Variants in PTCD2 observed in about 807,000 individuals in gnomAD.
PTCD2 encodes the protein pentatricopeptide repeat-containing protein 2, mitochondrial.
Under a neutral mutation model 42.6 loss-of-function variants are expected in PTCD2, and 31 were observed. The ratio of observed to expected loss-of-function variants is 0.73; its 90% CI spans 0.55 to 0.98. PTCD2 has a LOEUF of 0.98. Ranked by LOEUF, PTCD2 falls within the 50% of genes least tolerant of loss-of-function variation. PTCD2 has a pLI of 0.00. For synonymous variants in PTCD2, 183 were observed against 170.9 expected (o/e 1.07, Z -0.55); for missense variants, 476 against 454.8 (o/e 1.05, Z -0.42).
Position 72,362,105 on chromosome 5 carries a change from G to A in PTCD2, c.*3678G>A, listed in dbSNP as rs1375718912. On this transcript the variant is annotated 3_prime_UTR_variant, in exon 10 of 10. Transcript: ENST00000380639. ...AACTATATTGTATAACAATGTTGGTGGTCATATTGGTCCCCCATGGACAGC... is the reference window on the plus strand; with the variant it reads ...AACTATATTGTATAACAATGTTGGTAGTCATATTGGTCCCCCATGGACAGC... 6.6e-6 allele frequency: 1 copy of A among 152,136 alleles called. No homozygotes were observed. Among genetic ancestry groups the A allele is most frequent in the African/African-American group, 2.4e-5 (1 of 41,402 alleles). The allele number at this position is 152,136 out of a possible 1,614,324, so 9.4% of individuals were successfully genotyped here.
intron 8 of PTCD2, among the ~76,000 whole-genome samples, chr5:72,348,537 G>A (rs947247870): frequency 1.3e-5 from 2 of 152,142 alleles, no homozygotes; most frequent in African/African-American, 4.8e-5. Context: ...ATACTGCAAT[G>A]ATTTAACAGA....
rs1379147933 is a variant in PTCD2 at position 72,360,985 on chromosome 5, C to G, written c.*2558C>G. ...TACAGGCATGAGCCACCGCACCTGG[C>G]CTACTTATCCTGTTAATGAAAATAT... On this transcript the variant is annotated 3_prime_UTR_variant, in exon 10 of 10. Transcript: ENST00000380639. 6.6e-6 allele frequency: 1 copy of G among 152,196 alleles called. No individual in the cohort carries two copies. Among genetic ancestry groups the G allele is most frequent in the East Asian group, 1.9e-4 (1 of 5,198 alleles). 9.4% of individuals were successfully genotyped at this position (152,196 alleles called of 1,614,324 possible).
chr5:72,333,859 G>C (rs1271313497), intron 4 of PTCD2, among the ~76,000 whole-genome samples: 1 of 152,108 alleles, frequency 6.6e-6, no homozygotes, highest in East Asian at 1.9e-4. Context: ...ACTGTTTTTT[G>C]GGGTTTTTTT....
At position 72,320,595 on chromosome 5, in the gene PTCD2, C is replaced by T. The variant is rs778818010; in HGVS notation, c.127+86C>T. On this transcript the variant is annotated intron_variant, in intron 1 of 9. Coordinates refer to ENST00000380639, the MANE Select transcript of PTCD2 (RefSeq NM_024754.5). Reference sequence around the variant, plus strand: ...CCCAGCTAGCATCTCTGTGGAGCAGCCACAGCTCCTAAGTCACTCACTGGC... The same window carrying T: ...CCCAGCTAGCATCTCTGTGGAGCAGTCACAGCTCCTAAGTCACTCACTGGC... 27 of 1,575,250 alleles carry T rather than the reference C, an allele frequency of 1.7e-5. No homozygotes were observed. In the South Asian group the frequency reaches 2.7e-4, roughly 16 times the overall value.
At position 72,364,181 on chromosome 5, in the gene PTCD2, A is replaced by G. The variant is rs1753151483; in HGVS notation, c.*5754A>G. 1 of 152,272 alleles carries G rather than the reference A, an allele frequency of 6.6e-6. No individual in the cohort carries two copies. The highest frequency in any genetic ancestry group is 1.5e-5 in the Non-Finnish European group (1 of 68,046). The allele number at this position is 152,272 out of a possible 1,614,324, so 9.4% of individuals were successfully genotyped here. A position where few individuals can be genotyped will look rare whatever the true frequency, so the allele number is the denominator to read the frequency against. On this transcript the variant is annotated 3_prime_UTR_variant, in exon 10 of 10. Coordinates refer to ENST00000380639, the MANE Select transcript of PTCD2 (RefSeq NM_024754.5). ...AAAGTGTTCTCAAAAATTAATGGAAATTGGTGTATTCTGATTGAGATATGT... is the reference window on the plus strand; with the variant it reads ...AAAGTGTTCTCAAAAATTAATGGAAGTTGGTGTATTCTGATTGAGATATGT...
At chr5:72,326,558 C>T (rs1355901086) in intron 2 of PTCD2, 54 bp from the exon 3 acceptor site, 9 of 1,604,342 alleles carry the variant, frequency 5.6e-6, no homozygotes, top group Non-Finnish European at 4.3e-6. Context: ...AGGTCAGACT[C>T]CTTATACTCT....
chr5:72,336,306 T>C (rs1751737569), intron 6 of PTCD2, among the ~76,000 whole-genome samples: 1 of 152,200 alleles, frequency 6.6e-6, no homozygotes, highest in South Asian at 2.1e-4. Flanking sequence ...GGAAGTGATG[T>C]TTGTCACCTC....
intron 9 of PTCD2, among the ~76,000 whole-genome samples, chr5:72,354,395 A>G (rs866951534): frequency 6.6e-5 from 10 of 150,752 alleles, no homozygotes; most frequent in South Asian, 4.2e-4. Context: ...AAAAAAAAAA[A>G]AAAAAAAAAA....
At chr5:72,335,190 C>A in intron 5 of PTCD2, 94 bp downstream of exon 5, 1 of 708,470 alleles carries the variant, frequency 1.4e-6, no homozygotes, top group Non-Finnish European at 2.5e-6. Context: ...AATGATTCTT[C>A]TGTAATCCCA....
chr5:72,352,802 C>T, intron 9 of PTCD2, 48 bp downstream of exon 9: 2 of 947,796 alleles, frequency 2.1e-6, no homozygotes, highest in Non-Finnish European at 3.3e-6. Flanking sequence ...AAAGGACACT[C>T]TTAAAAATGT....
intron 2 of PTCD2, among the ~76,000 whole-genome samples, chr5:72,323,839 T>C (rs1397569565): frequency 2.0e-5 from 3 of 152,064 alleles, no homozygotes; most frequent in Non-Finnish European, 2.9e-5. Context: ...TTTGTAGAGA[T>C]GGTCTCACTG....
At chr5:72,351,287 G>T (rs1752608462) in intron 8 of PTCD2, among the ~76,000 whole-genome samples, 1 of 152,128 alleles carries the variant, frequency 6.6e-6, no homozygotes, top group Non-Finnish European at 1.5e-5. Context: ...ACAAGTTGGT[G>T]GAAGATAGGT....
Position 72,360,690 on chromosome 5 carries a change from T to A in PTCD2, c.*2263T>A, listed in dbSNP as rs560146932. On this transcript the variant is annotated 3_prime_UTR_variant, in exon 10 of 10. Transcript: ENST00000380639. ...TTACTTGTTTTTTTCTGCTTTGGGG[T>A]TTTTTTTTTTTTGAGACACAATTTC... 3 of 143,522 alleles carry A rather than the reference T, an allele frequency of 2.1e-5. No homozygotes were observed. Among genetic ancestry groups the A allele is most frequent in the South Asian group, 4.4e-4 (2 of 4,574 alleles). The allele number at this position is 143,522 out of a possible 1,614,324, so 8.9% of individuals were successfully genotyped here. A position where few individuals can be genotyped will look rare whatever the true frequency, so the allele number is the denominator to read the frequency against.
chr5:72,350,539 G>A (rs1257558262), intron 8 of PTCD2, among the ~76,000 whole-genome samples: 1 of 152,128 alleles, frequency 6.6e-6, no homozygotes, highest in African/African-American at 2.4e-5. Context: ...AGATAGTCTG[G>A]AATAAAAGCA....
rs528897204 is a variant in PTCD2 at position 72,330,035 on chromosome 5, C to A, written c.351-1223C>A. On this transcript the variant is annotated intron_variant, in intron 3 of 9. Transcript: ENST00000380639. Reference sequence around the variant, plus strand: ...GCAAGCTCCGCCTCCTGGGTTCATGCCATTCTCCTGCCTCAGCCTCCCAAG... The same window carrying A: ...GCAAGCTCCGCCTCCTGGGTTCATGACATTCTCCTGCCTCAGCCTCCCAAG... Among the ~76,000 whole-genome samples, 17 of 151,458 alleles carry A rather than the reference C, an allele frequency of 1.1e-4. No homozygotes were observed. In the East Asian group the frequency reaches 3.3e-3, roughly 29 times the overall value.
chr5:72,349,810 C>CT (rs1354281501), intron 8 of PTCD2, among the ~76,000 whole-genome samples: 2 of 152,200 alleles, frequency 1.3e-5, no homozygotes, highest in Admixed American at 1.3e-4. Flanking sequence ...TAGCTTTAAA[C>CT]TTTCTCTTTG....
intron 9 of PTCD2, among the ~76,000 whole-genome samples, chr5:72,356,938 C>T (rs889080245): frequency 9.9e-5 from 15 of 152,254 alleles, no homozygotes; most frequent in African/African-American, 3.6e-4. Context: ...AATTAAATTC[C>T]ATCAAGAAAT....
At chr5:72,324,566 C>T (rs1192488462) in intron 2 of PTCD2, among the ~76,000 whole-genome samples, 1 of 152,192 alleles carries the variant, frequency 6.6e-6, no homozygotes, top group Non-Finnish European at 1.5e-5. Flanking sequence ...CTCACTGGTA[C>T]CCCTCCACTT....
intron 4 of PTCD2, among the ~76,000 whole-genome samples, chr5:72,331,821 TAA>T (rs2112149608): frequency 6.6e-6 from 1 of 152,352 alleles, no homozygotes; most frequent in African/African-American, 2.4e-5. Flanking sequence ...TTTCTGTTCC[TAA>T]AAACAAAAGT....
Sources: allele counts gnomAD v4.1 joint callset (sites outside exome capture counted in the v4.1 genomes callset), GRCh38; gene constraint gnomAD v4.1.1; transcripts MANE v1.5; gene names NCBI Gene and HGNC (gene_info 2026-07-23, HGNC 2026-07-21).